Variants in PITPNC1 observed in about 807,000 individuals in gnomAD.
PITPNC1 encodes phosphatidylinositol transfer protein cytoplasmic 1.
A neutral mutation model predicts 44.7 loss-of-function variants in PITPNC1; 18 were observed. The observed-to-expected ratio is 0.40, with a 90% CI of 0.28 to 0.60. The LOEUF (loss-of-function observed/expected upper bound fraction) is 0.60. Among genes scored for constraint, PITPNC1 ranks in the 20% least tolerant of loss-of-function variants. The pLI is 0.39. For missense variants in PITPNC1, 290 were observed against 418.4 expected (o/e 0.69, Z 2.68); for synonymous variants, 141 against 149.6 (o/e 0.94, Z 0.42).
chr17:67,378,958 G>C, intron 1 of PITPNC1: 1 of 984,892 alleles, frequency 1.0e-6, no homozygotes, highest in Non-Finnish European at 1.2e-6. Flanking sequence ...GGCGCGGGGC[G>C]GGGGCTCGTC....
At chr17:67,629,706 C>T (rs2041942309) in intron 5 of PITPNC1, among the ~76,000 whole-genome samples, 1 of 152,212 alleles carries the variant, frequency 6.6e-6, no homozygotes, top group Admixed American at 6.5e-5. Flanking sequence ...TATTTTATTT[C>T]ACAACTTATT....
At chr17:67,590,316 G>A (rs1163269284) in intron 5 of PITPNC1, among the ~76,000 whole-genome samples, 3 of 152,124 alleles carry the variant, frequency 2.0e-5, no homozygotes, top group Admixed American at 1.3e-4. Flanking sequence ...CCTTTCCCAA[G>A]GAATTCTCAA....
intron 8 of PITPNC1, among the ~76,000 whole-genome samples, chr17:67,691,238 A>G (rs1042177903): frequency 3.3e-5 from 5 of 152,254 alleles, no homozygotes; most frequent in Non-Finnish European, 7.3e-5. Context: ...GCACAGTGAT[A>G]TATCTTCAAC....
At chr17:67,621,954 T>C (rs1416903923) in intron 5 of PITPNC1, among the ~76,000 whole-genome samples, 2 of 152,124 alleles carry the variant, frequency 1.3e-5, no homozygotes, top group Non-Finnish European at 2.9e-5. Context: ...CTGTATCTAT[T>C]TGCAAAAACT....
chr17:67,453,915 G>A (rs1390100772), intron 1 of PITPNC1, among the ~76,000 whole-genome samples: 1 of 152,094 alleles, frequency 6.6e-6, no homozygotes, highest in Non-Finnish European at 1.5e-5. Context: ...ATTTGCCCTT[G>A]ATTTGTTGGG....
At chr17:67,457,285 C>A (rs2039268666) in intron 1 of PITPNC1, 1 of 152,286 alleles carries the variant, frequency 6.6e-6, no homozygotes, top group Non-Finnish European at 1.5e-5. Context: ...TGCCGCCAAA[C>A]CCTGCTCAGC....
intron 1 of PITPNC1, 150 bp from the exon 2 acceptor site, chr17:67,532,652 C>T (rs780251958): frequency 2.4e-5 from 13 of 552,352 alleles, no homozygotes; most frequent in Non-Finnish European, 2.9e-5. Context: ...CCCTAGCTCC[C>T]GAGGAAAAGT....
intron 6 of PITPNC1, among the ~76,000 whole-genome samples, chr17:67,669,156 G>C (rs2042471200): frequency 6.6e-6 from 1 of 152,190 alleles, no homozygotes; most frequent in Admixed American, 6.6e-5. Flanking sequence ...ACCTAGGCTA[G>C]AGTGCAATGG....
chr17:67,512,440 G>A (rs1419465941), intron 1 of PITPNC1, among the ~76,000 whole-genome samples: 2 of 149,372 alleles, frequency 1.3e-5, no homozygotes, highest in African/African-American at 4.9e-5. Context: ...GGCGGAGGTT[G>A]CAGTGAGCCG....
At chr17:67,408,673 T>TCCTC (rs2038436668) in intron 1 of PITPNC1, 1 of 130,834 alleles carries the variant, frequency 7.6e-6, no homozygotes, top group African/African-American at 3.0e-5. Flanking sequence ...GCTTGCTTTC[T>TCCTC]CTTTCTTCCT....
intron 1 of PITPNC1, among the ~76,000 whole-genome samples, chr17:67,496,517 G>A (rs2039954285): frequency 6.6e-6 from 1 of 152,100 alleles, no homozygotes; most frequent in Non-Finnish European, 1.5e-5. Flanking sequence ...CCCCAGTCTT[G>A]AGTCCCAGCC....
intron 1 of PITPNC1, among the ~76,000 whole-genome samples, chr17:67,509,522 G>A (rs2040151887): frequency 6.6e-6 from 1 of 151,628 alleles, no homozygotes; most frequent in African/African-American, 2.4e-5. Context: ...GGGCAACAGA[G>A]TGAGGCTCCA....
chr17:67,461,336 A>C (rs2039334549), intron 1 of PITPNC1, among the ~76,000 whole-genome samples: 1 of 152,268 alleles, frequency 6.6e-6, no homozygotes, highest in African/African-American at 2.4e-5. Context: ...AGGTCCCCAT[A>C]GAATAGCACG....
chr17:67,538,427 G>A (rs113650541), intron 2 of PITPNC1, among the ~76,000 whole-genome samples: 23,261 of 151,914 alleles, frequency 0.15, 2,289 homozygotes, highest in Middle Eastern at 0.28. Flanking sequence ...TGACGAAACC[G>A]CATCTCCACA....
intron 1 of PITPNC1, among the ~76,000 whole-genome samples, chr17:67,380,708 A>G (rs886412285): frequency 1.3e-5 from 2 of 152,064 alleles, no homozygotes; most frequent in African/African-American, 4.8e-5. Context: ...CTTTTTCCAC[A>G]TTGAAAATGA....
chr17:67,534,408 G>A (rs1236171499), intron 2 of PITPNC1, among the ~76,000 whole-genome samples: 2 of 151,948 alleles, frequency 1.3e-5, no homozygotes, highest in African/African-American at 4.8e-5. Flanking sequence ...GAGGCTGAAG[G>A]TGGTAGATCA....
intron 1 of PITPNC1, among the ~76,000 whole-genome samples, chr17:67,517,909 T>C (rs1471804856): frequency 6.6e-6 from 1 of 152,248 alleles, no homozygotes; most frequent in African/African-American, 2.4e-5. Context: ...GAAACATCTA[T>C]ATGCTCAACT....
intron 1 of PITPNC1, among the ~76,000 whole-genome samples, chr17:67,441,570 G>T (rs1052186952): frequency 1.3e-5 from 2 of 152,148 alleles, no homozygotes; most frequent in African/African-American, 2.4e-5. Flanking sequence ...TGTAAAAGGC[G>T]GATGGAAACA....
chr17:67,600,677 T>C (rs2041528554), intron 5 of PITPNC1, among the ~76,000 whole-genome samples: 2 of 151,924 alleles, frequency 1.3e-5, no homozygotes, highest in Admixed American at 6.6e-5. Context: ...ATTTTTTAAA[T>C]ACATAGTTAA....
Sources: allele counts gnomAD v4.1 joint callset (sites outside exome capture counted in the v4.1 genomes callset), GRCh38; gene constraint gnomAD v4.1.1; transcripts MANE v1.5; gene names NCBI Gene and HGNC (gene_info 2026-07-23, HGNC 2026-07-21).